ANO3: variants seen among roughly 807,000 people sequenced by gnomAD.
The protein encoded by ANO3 is anoctamin-3.
Under a neutral mutation model 144.8 loss-of-function variants are expected in ANO3, and 99 were observed. The ratio of observed to expected loss-of-function variants is 0.68; its 90% CI spans 0.58 to 0.81. ANO3 has a LOEUF of 0.81. Ranked by LOEUF, ANO3 falls within the 30% of genes least tolerant of loss-of-function variation. The pLI is 0.00. For synonymous variants in ANO3, 414 were observed against 392.6 expected (o/e 1.05, Z -0.64); for missense variants, 905 against 1,202.2 (o/e 0.75, Z 3.66).
intron 3 of ANO3, among the ~76,000 whole-genome samples, chr11:26,451,096 G>A (rs1032186025): frequency 1.3e-5 from 2 of 152,172 alleles, no homozygotes; most frequent in Non-Finnish European, 2.9e-5. Context: ...CAGACTTATA[G>A]GGGAGGAGCC....
chr11:26,593,903 T>C (rs1851529208), intron 14 of ANO3, among the ~76,000 whole-genome samples: 2 of 152,112 alleles, frequency 1.3e-5, no homozygotes, highest in Admixed American at 6.5e-5. Flanking sequence ...ATCTCTATTA[T>C]AAAAAACCAA....
At chr11:26,654,878 G>A (rs763443604) in intron 24 of ANO3, among the ~76,000 whole-genome samples, 10 of 152,098 alleles carry the variant, frequency 6.6e-5, no homozygotes, top group Non-Finnish European at 1.2e-4. Flanking sequence ...TTCTGTTAAT[G>A]TAGTGAGTTC....
intron 3 of ANO3, among the ~76,000 whole-genome samples, chr11:26,450,052 A>AGCTGTG (rs1158081694): frequency 2.0e-4 from 31 of 152,234 alleles, no homozygotes; most frequent in Middle Eastern, 3.4e-3. Context: ...CACTGTGCCC[A>AGCTGTG]GCTGTAGAAT....
chr11:26,591,723 G>C (rs1296312936), intron 14 of ANO3, among the ~76,000 whole-genome samples: 1 of 152,158 alleles, frequency 6.6e-6, no homozygotes, highest in African/African-American at 2.4e-5. Context: ...ATGTGACAAA[G>C]GAGGGCCATG....
chr11:26,485,395 A>G (rs1860405139), intron 4 of ANO3, among the ~76,000 whole-genome samples: 1 of 151,464 alleles, frequency 6.6e-6, no homozygotes, highest in South Asian at 2.1e-4. Flanking sequence ...GCACCTTCCT[A>G]TTTGCTCTTT....
chr11:26,536,614 G>T (rs1590482649), intron 9 of ANO3, among the ~76,000 whole-genome samples: 1 of 151,742 alleles, frequency 6.6e-6, no homozygotes, highest in East Asian at 1.9e-4. Flanking sequence ...TAATTTTCAG[G>T]TTTTTAAAAA....
intron 4 of ANO3, among the ~76,000 whole-genome samples, chr11:26,464,662 G>A (rs1002677471): frequency 1.3e-5 from 2 of 151,712 alleles, no homozygotes; most frequent in Non-Finnish European, 1.5e-5. Flanking sequence ...TATTATGATT[G>A]TAACATTAAT....
chr11:26,332,608 A>G (rs1040394347), intron 1 of ANO3, among the ~76,000 whole-genome samples: 19 of 151,886 alleles, frequency 1.3e-4, no homozygotes, highest in African/African-American at 3.9e-4. Context: ...AAACCCGCTT[A>G]GTAGGGATTG....
chr11:26,644,464 A>T (rs574604787), intron 23 of ANO3, among the ~76,000 whole-genome samples: 38 of 152,300 alleles, frequency 2.5e-4, no homozygotes, highest in African/African-American at 8.2e-4. Context: ...TTTCCTCAGG[A>T]TACATTTCTA....
At chr11:26,502,172 G>T (rs1431402043) in intron 4 of ANO3, among the ~76,000 whole-genome samples, 1 of 152,112 alleles carries the variant, frequency 6.6e-6, no homozygotes, top group Non-Finnish European at 1.5e-5. Context: ...GGTTAATTTG[G>T]ATTATTGGAA....
At chr11:26,210,292 G>A (rs549438305) in intron 1 of ANO3, among the ~76,000 whole-genome samples, 104 of 152,248 alleles carry the variant, frequency 6.8e-4, no homozygotes, top group African/African-American at 2.4e-3. Context: ...TCAGATGGTT[G>A]TAGATGTGTG....
intron 18 of ANO3, among the ~76,000 whole-genome samples, chr11:26,626,251 C>G (rs1003018608): frequency 3.0e-5 from 4 of 132,968 alleles, no homozygotes; most frequent in African/African-American, 1.0e-4. Context: ...ATATTGATAT[C>G]CATTGTGTCC....
intron 18 of ANO3, among the ~76,000 whole-genome samples, chr11:26,631,279 TTTA>T (rs1852769532): frequency 6.6e-6 from 1 of 152,100 alleles, no homozygotes; most frequent in African/African-American, 2.4e-5. Context: ...TTGAAAACAT[TTTA>T]TTGTTTATTT....
At chr11:26,474,257 C>A in intron 4 of ANO3, 1 of 215,184 alleles carries the variant, frequency 4.6e-6, no homozygotes, top group Non-Finnish European at 7.9e-6. Flanking sequence ...TCTGTTATTT[C>A]AAAATACTAG....
At chr11:26,458,685 A>G (rs12275424) in intron 3 of ANO3, among the ~76,000 whole-genome samples, 37,743 of 152,094 alleles carry the variant, frequency 0.25, 5,409 homozygotes, top group African/African-American at 0.39. Context: ...CCATTCATTT[A>G]TTAGTTAATT....
chr11:26,656,352 T>G (rs1166349562), intron 25 of ANO3, 24 bp from the exon 26 acceptor site: 1 of 1,540,248 alleles, frequency 6.5e-7, no homozygotes, highest in Non-Finnish European at 9.0e-7. Context: ...TATTTGTCAT[T>G]CTCTTTGTTT....
intron 1 of ANO3, among the ~76,000 whole-genome samples, chr11:26,294,195 C>A (rs1486362565): frequency 6.6e-6 from 1 of 152,062 alleles, no homozygotes; most frequent in East Asian, 1.9e-4. Flanking sequence ...AGAAACTGAC[C>A]TATCCTGAAA....
chr11:26,338,952 G>A (rs960507066), intron 1 of ANO3, among the ~76,000 whole-genome samples: 2 of 152,146 alleles, frequency 1.3e-5, no homozygotes, highest in Non-Finnish European at 1.5e-5. Context: ...AATAAATTCC[G>A]GACACACCAT....
rs189362697 is a variant in ANO3, at chr11:26,649,685, C to G, written c.2576+1829C>G. On this transcript the variant is annotated intron_variant, in intron 24 of 26. Transcript: ENST00000256737. ...CCGAGAGGCGGAGGTTGCAGTGAGC[C>G]AAGACCGCGCCATTGCACTCCAGCC... 4.4e-4 allele frequency among the ~76,000 whole-genome samples: 67 copies of G among 151,606 alleles called. No individual in the cohort carries two copies. The East Asian group carries it at 9.9e-3, about 22-fold the overall frequency.
Sources: gnomAD v4.1 joint callset for allele counts (sites outside exome capture counted in the v4.1 genomes callset) on GRCh38, gnomAD v4.1.1 for gene constraint, MANE v1.5 for transcripts, NCBI Gene and HGNC (gene_info 2026-07-23, HGNC 2026-07-21) for gene names.